The following FAM83B variants were observed in gnomAD, a reference collection of about 807,000 sequenced individuals.
FAM83B encodes scaffolding CK1 anchoring protein B, also known as protein FAM83B.
A neutral mutation model predicts 38.8 loss-of-function variants in FAM83B; 26 were observed. That is an observed-to-expected ratio of 0.67 (90% CI 0.49 to 0.93). FAM83B has a LOEUF of 0.93. FAM83B is among the 40% of genes least tolerant of loss of function. The pLI, the probability that FAM83B is intolerant of heterozygous loss-of-function variation, is 0.00. For synonymous variants in FAM83B, 419 were observed against 423.1 expected, an observed-to-expected ratio of 0.99 and a Z score of 0.12; for missense variants, 1,237 against 1,197.3, an observed-to-expected ratio of 1.03 and a Z score of -0.49.
rs1436320413 is a variant in FAM83B at position 54,882,493 on chromosome 6, ATGGGCTCAGACAGACCCTGCT to A, written c.444+11810_444+11830del. 5.3e-5 allele frequency among the ~76,000 whole-genome samples: 8 copies of A among 152,322 alleles called. No individual in the cohort carries two copies. In the East Asian group the frequency reaches 1.5e-3, roughly 29 times the overall value. On this transcript the variant is annotated intron_variant, in intron 2 of 4. Coordinates refer to ENST00000306858, the MANE Select transcript of FAM83B (RefSeq NM_001010872.3). ...CAGGTCTGGTATTTGAGCCTGGGTC[ATGGGCTCAGACAGACCCTGCT>A]TGGGCTTACCATTATGGTGTATTAC...
intron 4 of FAM83B, among the ~76,000 whole-genome samples, chr6:54,931,737 GT>G (rs1773423249): frequency 2.0e-5 from 3 of 151,734 alleles, no homozygotes; most frequent in Admixed American, 6.6e-5. Context: ...TTTGGATACT[GT>G]TTTTTTAATC....
At chr6:54,920,712 A>AC (rs771793978) in intron 2 of FAM83B, among the ~76,000 whole-genome samples, 1 of 151,894 alleles carries the variant, frequency 6.6e-6, no homozygotes. Context: ...ACTGGTTTCT[A>AC]CCACACTTTT....
In FAM83B at chr6:54,941,625, C is replaced by T. The variant is rs1462131592; in HGVS notation, c.2654C>T (p.Ser885Phe). The change falls in exon 5 of 5, where the codon TCT (serine) becomes TTT (phenylalanine). Residue 885 changes from serine to phenylalanine, a missense_variant. Transcript: ENST00000306858. Reference protein sequence around the residue: ...SKFLERAGDASAPRFNTEQIQ... With the variant: ...SKFLERAGDAFAPRFNTEQIQ... ...TTCTTGGAAAGGGCAGGAGATGCCT[C>T]TGCCCCAAGATTTAACACTGAACAG... The T allele has an allele frequency of 1.9e-6, 3 of 1,614,096 alleles. No individual in the cohort carries two copies. Among genetic ancestry groups the T allele is most frequent in the Non-Finnish European group, 2.5e-6 (3 of 1,180,016 alleles).
chr6:54,909,689 C>T (rs1217514233), intron 2 of FAM83B, among the ~76,000 whole-genome samples: 1 of 151,972 alleles, frequency 6.6e-6, no homozygotes, highest in Non-Finnish European at 1.5e-5. Flanking sequence ...AACTTATTGC[C>T]CCCAAGAAAG....
chr6:54,881,283 G>C (rs1772125297), intron 2 of FAM83B, among the ~76,000 whole-genome samples: 3 of 152,180 alleles, frequency 2.0e-5, no homozygotes, highest in Non-Finnish European at 4.4e-5. Context: ...TACCAGTGCT[G>C]ATATGGTGAG....
intron 2 of FAM83B, among the ~76,000 whole-genome samples, chr6:54,890,983 G>A (rs1342441755): frequency 6.6e-6 from 1 of 151,796 alleles, no homozygotes; most frequent in Admixed American, 6.6e-5. Flanking sequence ...GTGATCTTGA[G>A]CCTCCTGCGA....
rs1301878805 is a variant in FAM83B, at chr6:54,942,478, T to C, written c.*471T>C. Among the ~76,000 whole-genome samples the C allele has an allele frequency of 6.6e-6, 1 of 152,148 alleles. No homozygotes were observed. The highest frequency in any genetic ancestry group is 1.5e-5 in the Non-Finnish European group (1 of 68,030). ...TAACTTGAAGTTCTACGGGATAACT[T>C]GTTATATTTTATTAATATTATTTTT... On this transcript the variant is annotated 3_prime_UTR_variant, in exon 5 of 5. Coordinates refer to ENST00000306858, the MANE Select transcript of FAM83B (RefSeq NM_001010872.3).
rs1418646738 is a variant in FAM83B at position 54,941,735 on chromosome 6, G to A, written c.2764G>A (p.Glu922Lys). The A allele has an allele frequency of 6.2e-7, 1 of 1,614,006 alleles. No homozygotes were observed. Among genetic ancestry groups the A allele is most frequent in the Non-Finnish European group, 8.5e-7 (1 of 1,180,012 alleles). Residue 922 changes from glutamate to lysine, a missense_variant, in exon 5 of 5, where the codon GAG (glutamate) becomes AAG (lysine). Glu to Lys is a moderately conservative substitution (Grantham distance 56). Coordinates refer to ENST00000306858, the MANE Select transcript of FAM83B (RefSeq NM_001010872.3). ...TTCTTCTCCAAGGCCAACGTCCAGT[G>A]AGCTTCTACGATCTCATTCAACTGA... Reference protein sequence around the residue: ...PTSSPRPTSSELLRSHSTDRR... With the variant: ...PTSSPRPTSSKLLRSHSTDRR...
chr6:54,878,534 G>C (rs746932621), intron 2 of FAM83B, among the ~76,000 whole-genome samples: 2 of 152,156 alleles, frequency 1.3e-5, no homozygotes, highest in Non-Finnish European at 2.9e-5. Flanking sequence ...AATAAGCCAT[G>C]CATGTATTTG....
At chr6:54,894,808 G>T (rs1297617021) in intron 2 of FAM83B, among the ~76,000 whole-genome samples, 1 of 152,146 alleles carries the variant, frequency 6.6e-6, no homozygotes, top group African/African-American at 2.4e-5. Context: ...TGATATTGTG[G>T]TTTTTGAAAA....
intron 4 of FAM83B, 84 bp from the exon 5 acceptor site, chr6:54,939,622 T>C: frequency 7.9e-7 from 1 of 1,260,834 alleles, no homozygotes; most frequent in Non-Finnish European, 1.1e-6. Context: ...AAAAACATAG[T>C]CATTAAGTGA....
At chr6:54,883,134 C>CA (rs773304581) in intron 2 of FAM83B, among the ~76,000 whole-genome samples, 2 of 151,764 alleles carry the variant, frequency 1.3e-5, no homozygotes, top group Non-Finnish European at 2.9e-5. Context: ...TTAGTAGAGA[C>CA]TGGTTTCACC....
rs148952546 is a variant in FAM83B, at chr6:54,901,087, G to A, written c.445-25284G>A. Among the ~76,000 whole-genome samples the A allele has an allele frequency of 4.0e-4, 61 of 152,278 alleles. No individual in the cohort carries two copies. In the East Asian group the frequency reaches 0.011, roughly 27 times the overall value. ...CATGTGTGGAAAGAACTGGGAATCTGTTTATTTATCTAGCCAAGCCAGGAT... is the reference window on the plus strand; with the variant it reads ...CATGTGTGGAAAGAACTGGGAATCTATTTATTTATCTAGCCAAGCCAGGAT... On this transcript the variant is annotated intron_variant, in intron 2 of 4. Transcript: ENST00000306858.
rs188899190 is a variant in FAM83B, at chr6:54,919,816, G to A, written c.445-6555G>A. Among the ~76,000 whole-genome samples the A allele has an allele frequency of 4.4e-3, 667 of 152,032 alleles. 8 individuals carry two copies. The highest frequency in any genetic ancestry group is 0.015 in the African/African-American group (635 of 41,506). Reference sequence around the variant, plus strand: ...ATTATTTTATCCATCATAATATGGAGTGAATGAATGGTTATTGAAAACATA... The same window carrying A: ...ATTATTTTATCCATCATAATATGGAATGAATGAATGGTTATTGAAAACATA... On this transcript the variant is annotated intron_variant, in intron 2 of 4. Coordinates refer to ENST00000306858, the MANE Select transcript of FAM83B (RefSeq NM_001010872.3).
chr6:54,884,299 T>TAA (rs70983475), intron 2 of FAM83B, among the ~76,000 whole-genome samples: 1,837 of 82,258 alleles, frequency 0.022, 97 homozygotes, highest in African/African-American at 0.083. Context: ...AGACCCCGTC[T>TAA]AAAAAAAAAA....
At chr6:54,857,022 C>T (rs10807486) in intron 1 of FAM83B, among the ~76,000 whole-genome samples, 8,764 of 152,198 alleles carry the variant, frequency 0.058, 489 homozygotes, top group African/African-American at 0.14. Context: ...ACTTTATAAG[C>T]GTCTGAGACT....
Position 54,927,537 on chromosome 6 carries a change from A to G in FAM83B, c.639A>G (p.Gln213=), listed in dbSNP as rs1268594882. 5 of 1,608,650 alleles carry G rather than the reference A, an allele frequency of 3.1e-6. No individual in the cohort carries two copies. The highest frequency in any genetic ancestry group is 1.7e-4 in the Middle Eastern group (1 of 6,034). The change falls in exon 4 of 5, where the codon CAA becomes CAG. Residue 213 remains glutamine (Q), a synonymous_variant. Transcript: ENST00000306858. ...RNIRVRTVKG[Q]DYLSKTGAKF... ...TTCGAGTGCGAACAGTAAAAGGCCAAGATTATCTTTCAAAAACAGGGGCAA... is the reference window on the plus strand; with the variant it reads ...TTCGAGTGCGAACAGTAAAAGGCCAGGATTATCTTTCAAAAACAGGGGCAA...
At chr6:54,896,682 A>C (rs770277129) in intron 2 of FAM83B, among the ~76,000 whole-genome samples, 35 of 152,364 alleles carry the variant, frequency 2.3e-4, no homozygotes, top group Non-Finnish European at 3.8e-4. Flanking sequence ...AAAATTGTCA[A>C]TGTCTCAGAG....
chr6:54,898,863 C>T (rs1281748108), intron 2 of FAM83B, among the ~76,000 whole-genome samples: 1 of 152,104 alleles, frequency 6.6e-6, no homozygotes, highest in Admixed American at 6.6e-5. Context: ...AACTTTTTAA[C>T]TTACTGGTGG....
Sources: gnomAD v4.1 joint callset for allele counts (sites outside exome capture counted in the v4.1 genomes callset) on GRCh38, gnomAD v4.1.1 for gene constraint, MANE v1.5 for transcripts, NCBI Gene and HGNC (gene_info 2026-07-23, HGNC 2026-07-21) for gene names.